Variants in PCDHA9 observed in about 807,000 individuals in gnomAD.
The protein encoded by PCDHA9 is protocadherin alpha 9.
PCDHA9 carries 62 observed loss-of-function variants against 62.0 expected under a neutral mutation model. That is an observed-to-expected ratio of 1.00 (90% confidence interval 0.81 to 1.23). The LOEUF (loss-of-function observed/expected upper bound fraction) is 1.23, where lower values mean the gene tolerates loss of function less well. Ranked by LOEUF, PCDHA9 falls within the 50% of genes most tolerant of loss-of-function variation. The pLI, the probability that PCDHA9 is intolerant of heterozygous loss-of-function variation, is 0.00. For synonymous variants in PCDHA9, 557 were observed against 567.6 expected, an observed-to-expected ratio of 0.98 and a Z score of 0.27; for missense variants, 1,205 against 1,249.8, an observed-to-expected ratio of 0.96 and a Z score of 0.54.
chr5:140,923,498 C>T (rs1233893951), intron 1 of PCDHA9, among the ~76,000 whole-genome samples: 2 of 152,018 alleles, frequency 1.3e-5, no homozygotes, highest in African/African-American at 4.8e-5. Context: ...CACTGCACTC[C>T]AGCCTGGATG....
chr5:140,850,667 G>A lies in PCDHA9; in HGVS notation c.2172G>A (p.Ser724=), dbSNP rs2150492921. ...TGCTGTACACTGTGCTGCGGTGCTCGGCGATGCCCACCGAGGGCGAGTGCG... is the reference window on the plus strand; with the variant it reads ...TGCTGTACACTGTGCTGCGGTGCTCAGCGATGCCCACCGAGGGCGAGTGCG... ...TLLLYTVLRC[S]AMPTEGECAP... Residue 724 remains serine, a synonymous_variant, in exon 1 of 4, where the codon TCG becomes TCA. Coordinates refer to ENST00000532602, the MANE Select transcript of PCDHA9 (RefSeq NM_031857.2). 2.5e-6 allele frequency: 4 copies of A among 1,598,380 alleles called. No individual in the cohort carries two copies. The highest frequency in any genetic ancestry group is 2.2e-5 in the East Asian group (1 of 44,866).
chr5:140,915,553 A>T (rs1317422262), intron 1 of PCDHA9, among the ~76,000 whole-genome samples: 1 of 152,156 alleles, frequency 6.6e-6, no homozygotes, highest in African/African-American at 2.4e-5. Context: ...AATAAGATCC[A>T]GAATGATTAT....
At chr5:140,949,171 C>T (rs1554218845) in intron 1 of PCDHA9, among the ~76,000 whole-genome samples, 1 of 151,632 alleles carries the variant, frequency 6.6e-6, no homozygotes, top group Non-Finnish European at 1.5e-5. Flanking sequence ...CTCTTTTGGT[C>T]AGAGAACATA....
intron 1 of PCDHA9, among the ~76,000 whole-genome samples, chr5:140,891,720 T>C (rs1159192046): frequency 2.0e-5 from 3 of 152,170 alleles, no homozygotes; most frequent in African/African-American, 4.8e-5. Context: ...CCCAAATTCA[T>C]GTGTTGAAAA....
intron 1 of PCDHA9, chr5:140,856,221 T>C (rs2043861898): frequency 1.9e-6 from 3 of 1,597,980 alleles, no homozygotes; most frequent in Non-Finnish European, 2.6e-6. Flanking sequence ...CTGGCGGAGC[T>C]GGTGCAGCGC....
At chr5:140,968,540 G>A (rs1554230842) in intron 1 of PCDHA9, 8 of 1,614,064 alleles carry the variant, frequency 5.0e-6, no homozygotes, top group Non-Finnish European at 1.7e-6. Context: ...AGCAGCCTTC[G>A]AGATGGTGCC....
intron 2 of PCDHA9, chr5:140,982,217 C>T (rs1257918481): frequency 3.9e-6 from 2 of 507,664 alleles, no homozygotes; most frequent in Non-Finnish European, 6.2e-6. Context: ...CGCCACATGG[C>T]GTTAATAAAA....
intron 1 of PCDHA9, among the ~76,000 whole-genome samples, chr5:140,964,823 G>A (rs541084771): frequency 2.6e-5 from 4 of 152,218 alleles, no homozygotes; most frequent in Non-Finnish European, 1.5e-5. Context: ...AGATTTTGAT[G>A]AAAATTGCTT....
chr5:140,891,270 C>T (rs1049558993), intron 1 of PCDHA9, among the ~76,000 whole-genome samples: 1 of 151,570 alleles, frequency 6.6e-6, no homozygotes, highest in East Asian at 1.9e-4. Context: ...TTAATTTTTC[C>T]GTAAGTTATT....
At chr5:140,934,901 T>C (rs1270837168) in intron 1 of PCDHA9, among the ~76,000 whole-genome samples, 1 of 152,192 alleles carries the variant, frequency 6.6e-6, no homozygotes, top group African/African-American at 2.4e-5. Flanking sequence ...CCTTTTATTT[T>C]GGAATAATTA....
At chr5:140,873,085 C>G (rs1554166557) in intron 1 of PCDHA9, among the ~76,000 whole-genome samples, 2 of 152,098 alleles carry the variant, frequency 1.3e-5, no homozygotes, top group Non-Finnish European at 2.9e-5. Flanking sequence ...TATTTCCCCC[C>G]CGTATAGAGG....
chr5:140,848,990 C>T lies in PCDHA9; in HGVS notation c.495C>T (p.Asn165=), dbSNP rs2150428004. The change falls in exon 1 of 4, where the codon AAC becomes AAT. Residue 165 remains asparagine (N), a synonymous_variant. Coordinates refer to ENST00000532602, the MANE Select transcript of PCDHA9 (RefSeq NM_031857.2). ...CGTCCGATGCAGATATCGGGGAGAA[C>T]GCCCTGCTCACTTACAGACTGAGCC... ...EGASDADIGE[N]ALLTYRLSPN... 7 of 1,597,248 alleles carry T rather than the reference C, an allele frequency of 4.4e-6. No individual in the cohort carries two copies. Among genetic ancestry groups the T allele is most frequent in the Middle Eastern group, 1.7e-4 (1 of 6,016 alleles).
intron 1 of PCDHA9, chr5:140,966,441 C>A (rs2096002534): frequency 4.7e-6 from 2 of 424,804 alleles, no homozygotes; most frequent in South Asian, 1.8e-4. Context: ...CTACCGCTCC[C>A]TTTCCCCCTC....
intron 1 of PCDHA9, chr5:140,926,758 G>C: frequency 2.3e-6 from 3 of 1,302,056 alleles, no homozygotes; most frequent in Non-Finnish European, 3.0e-6. Flanking sequence ...CGGTCGCTGA[G>C]TATCCAGCCC....
At chr5:140,863,181 C>T (rs782813569) in intron 1 of PCDHA9, 5 of 753,966 alleles carry the variant, frequency 6.6e-6, no homozygotes, top group Non-Finnish European at 1.1e-5. Flanking sequence ...CTGCCACCGT[C>T]ACCGTGGTGG....
intron 1 of PCDHA9, among the ~76,000 whole-genome samples, chr5:140,945,549 G>A (rs246058): frequency 0.56 from 85,718 of 151,780 alleles, 24,784 homozygotes; most frequent in African/African-American, 0.69. Context: ...ACAAAAAAAT[G>A]AAGCTGAAGA....
intron 1 of PCDHA9, chr5:140,870,360 C>T (rs1562642999): frequency 6.2e-7 from 1 of 1,614,166 alleles, no homozygotes; most frequent in Non-Finnish European, 8.5e-7. Context: ...ACGTGTGGGC[C>T]TATGAACTGG....
In PCDHA9 at chr5:140,929,377, C is replaced by G. The variant is rs1436728913; in HGVS notation, c.2395-49572C>G. 3 of 1,514,232 alleles carry G rather than the reference C, an allele frequency of 2.0e-6. No homozygotes were observed. In the African/African-American group the frequency reaches 4.2e-5, roughly 21 times the overall value. The allele number at this position is 1,514,232 out of a possible 1,614,324, so 93.8% of individuals were successfully genotyped here. Reference sequence around the variant, plus strand: ...CCTTTGGCCCGGAGATGGCTGCTAGCTGTGTTTTGAAATATTTCTTAGACA... The same window carrying G: ...CCTTTGGCCCGGAGATGGCTGCTAGGTGTGTTTTGAAATATTTCTTAGACA... On this transcript the variant is annotated intron_variant, in intron 1 of 3. Coordinates refer to ENST00000532602, the MANE Select transcript of PCDHA9 (RefSeq NM_031857.2).
At chr5:140,870,909 C>T (rs2052531275) in intron 1 of PCDHA9, 1 of 1,613,956 alleles carries the variant, frequency 6.2e-7, no homozygotes, top group East Asian at 2.2e-5. Flanking sequence ...ACTCAGGCTA[C>T]AACGCGTGGC....
Sources: allele counts gnomAD v4.1 joint callset (sites outside exome capture counted in the v4.1 genomes callset), GRCh38; gene constraint gnomAD v4.1.1; transcripts MANE v1.5; gene names NCBI Gene and HGNC (gene_info 2026-07-23, HGNC 2026-07-21).